MROH9: variants seen among roughly 807,000 people sequenced by gnomAD.
The protein encoded by MROH9 is maestro heat like repeat family member 9.
A neutral mutation model predicts 98.2 loss-of-function variants in MROH9; 92 were observed. The ratio of observed to expected loss-of-function variants is 0.94; its 90% CI spans 0.79 to 1.11. The LOEUF is 1.11. Among genes scored for constraint, MROH9 ranks in the 50% most tolerant of loss-of-function variants. MROH9 has a pLI of 0.00. For synonymous variants in MROH9, 397 were observed against 368.9 expected, an observed-to-expected ratio of 1.08 and a Z score of -0.87; for missense variants, 1,057 against 1,014.8, an observed-to-expected ratio of 1.04 and a Z score of -0.57.
At chr1:170,996,293 C>T (rs1651563261) in intron 13 of MROH9, among the ~76,000 whole-genome samples, 1 of 152,102 alleles carries the variant, frequency 6.6e-6, no homozygotes, top group South Asian at 2.1e-4. Context: ...GCGATTGATG[C>T]TAGATTTTGT....
intron 20 of MROH9, among the ~76,000 whole-genome samples, chr1:171,041,404 T>TAC (rs1181791185): frequency 2.8e-4 from 9 of 32,396 alleles, no homozygotes; most frequent in African/African-American, 5.4e-4. Context: ...TTGGTCAAGA[T>TAC]ACATACACAC....
At chr1:171,042,104 A>G (rs1653327078) in intron 20 of MROH9, among the ~76,000 whole-genome samples, 1 of 151,984 alleles carries the variant, frequency 6.6e-6, no homozygotes, top group Admixed American at 6.6e-5. Context: ...TATTCTGTAC[A>G]CATTAACCAT....
At chr1:170,995,236 T>A (rs1330313494) in intron 12 of MROH9, among the ~76,000 whole-genome samples, 153 bp from the exon 13 acceptor site, 4 of 152,180 alleles carry the variant, frequency 2.6e-5, no homozygotes, top group Non-Finnish European at 5.9e-5. Flanking sequence ...TAACGGCTGT[T>A]ATTAAATGAA....
At chr1:171,010,688 A>T (rs1652119952) in intron 15 of MROH9, among the ~76,000 whole-genome samples, 1 of 152,210 alleles carries the variant, frequency 6.6e-6, no homozygotes, top group Admixed American at 6.5e-5. Context: ...ATGACCAGTG[A>T]TGATGAGCAT....
intron 17 of MROH9, among the ~76,000 whole-genome samples, chr1:171,019,928 G>A (rs1652459478): frequency 6.6e-6 from 1 of 151,920 alleles, no homozygotes; most frequent in African/African-American, 2.4e-5. Context: ...AAATGATAAG[G>A]GGGAAATCAC....
At chr1:170,994,934 TGTG>T (rs1322556774) in intron 12 of MROH9, among the ~76,000 whole-genome samples, 1 of 132,956 alleles carries the variant, frequency 7.5e-6, no homozygotes, top group Non-Finnish European at 1.8e-5. Context: ...ATATTTCTGA[TGTG>T]GTGACCTCCC....
Position 171,056,221 on chromosome 1 carries a change from A to G in MROH9, c.2282-5911A>G, listed in dbSNP as rs143041878. The stretch of plus-strand genomic sequence containing the variant: ...GCAGCAGCCAGCACTGGGACTCACA[A>G]CTGCCTAACATGTTAAGCTCCTTGG... On this transcript the variant is annotated intron_variant, in intron 20 of 21. Coordinates refer to ENST00000367759, the MANE Select transcript of MROH9 (RefSeq NM_001163629.2). Among the ~76,000 whole-genome samples the G allele has an allele frequency of 4.0e-3, 611 of 152,302 alleles. 4 individuals are homozygous for G. The highest frequency in any genetic ancestry group is 0.014 in the African/African-American group (583 of 41,574).
intron 17 of MROH9, among the ~76,000 whole-genome samples, chr1:171,023,965 A>T (rs969370241): frequency 6.6e-6 from 1 of 152,058 alleles, no homozygotes; most frequent in Non-Finnish European, 1.5e-5. Context: ...TATGAGTTCA[A>T]CCTTTTAATA....
intron 20 of MROH9, among the ~76,000 whole-genome samples, chr1:171,051,966 T>G (rs939163284): frequency 2.0e-5 from 3 of 152,152 alleles, no homozygotes; most frequent in African/African-American, 7.2e-5. Context: ...GCAATTTTAA[T>G]AGAATTGGTA....
intron 10 of MROH9, among the ~76,000 whole-genome samples, chr1:170,987,604 A>T (rs1242047479): frequency 1.3e-5 from 2 of 152,160 alleles, no homozygotes; most frequent in African/African-American, 4.8e-5. Flanking sequence ...CTATCCATAC[A>T]TATATTGTGC....
chr1:170,963,168 G>C (rs975884052), intron 6 of MROH9, among the ~76,000 whole-genome samples: 52 of 150,938 alleles, frequency 3.4e-4, no homozygotes, highest in African/African-American at 1.2e-3. Context: ...AGTGGGCAAA[G>C]GACATGAACA....
chr1:171,052,506 C>A (rs898746091), intron 20 of MROH9, among the ~76,000 whole-genome samples: 1 of 152,072 alleles, frequency 6.6e-6, no homozygotes, highest in Non-Finnish European at 1.5e-5. Flanking sequence ...CTCCAAATGC[C>A]GGGAGATATG....
intron 3 of MROH9, 133 bp downstream of exon 3, chr1:170,947,706 G>A (rs1448734982): frequency 1.3e-6 from 1 of 749,264 alleles, no homozygotes; most frequent in South Asian, 2.0e-5. Context: ...GGGAAAAAAA[G>A]GCAATTTGGT....
intron 20 of MROH9, among the ~76,000 whole-genome samples, chr1:171,035,437 TA>T (rs1409879848): frequency 6.6e-6 from 1 of 151,684 alleles, no homozygotes; most frequent in Non-Finnish European, 1.5e-5. Context: ...TTTTAAAATA[TA>T]AAAAAATAAA....
intron 7 of MROH9, among the ~76,000 whole-genome samples, chr1:170,968,875 T>C (rs535778911): frequency 6.6e-6 from 1 of 152,360 alleles, no homozygotes; most frequent in Admixed American, 6.5e-5. Context: ...ATACATTGAA[T>C]AATTTTATCT....
intron 12 of MROH9, 121 bp from the exon 13 acceptor site, chr1:170,995,268 G>A (rs1651520326): frequency 9.7e-7 from 1 of 1,036,160 alleles, no homozygotes; most frequent in South Asian, 1.5e-5. Flanking sequence ...ATGTGCTTTA[G>A]GTTTTCTTCA....
In MROH9 at chr1:171,022,807, T is replaced by C. The variant is rs148343439; in HGVS notation, c.1909-1588T>C. 1.8e-3 allele frequency among the ~76,000 whole-genome samples: 278 copies of C among 152,192 alleles called. 2 individuals are homozygous for C. The highest frequency in any genetic ancestry group is 6.5e-3 in the African/African-American group (268 of 41,514). Reference sequence around the variant, plus strand: ...CTTAATTTATTGAACACTTAATATATACCAGGGGCTTTTCTAAAGGATTTA... The same window carrying C: ...CTTAATTTATTGAACACTTAATATACACCAGGGGCTTTTCTAAAGGATTTA... On this transcript the variant is annotated intron_variant, in intron 17 of 21. Coordinates refer to ENST00000367759, the MANE Select transcript of MROH9 (RefSeq NM_001163629.2).
intron 15 of MROH9, among the ~76,000 whole-genome samples, chr1:171,007,287 T>C (rs1209650689): frequency 6.6e-6 from 1 of 152,166 alleles, no homozygotes; most frequent in African/African-American, 2.4e-5. Flanking sequence ...CTGGCCTAGC[T>C]CCAGGACCTT....
At chr1:171,035,746 G>A (rs1653080353) in intron 20 of MROH9, among the ~76,000 whole-genome samples, 1 of 152,156 alleles carries the variant, frequency 6.6e-6, no homozygotes, top group South Asian at 2.1e-4. Context: ...AACATAAAGT[G>A]TAGAATAAAG....
Sources: allele counts gnomAD v4.1 joint callset (sites outside exome capture counted in the v4.1 genomes callset), GRCh38; gene constraint gnomAD v4.1.1; transcripts MANE v1.5; gene names NCBI Gene and HGNC (gene_info 2026-07-23, HGNC 2026-07-21).